DKK2: variants seen among roughly 807,000 people sequenced by gnomAD.
DKK2 encodes dickkopf Wnt signaling pathway inhibitor 2.
Under a neutral mutation model 28.1 loss-of-function variants are expected in DKK2, and 11 were observed. The observed-to-expected ratio is 0.39, with a 90% CI of 0.25 to 0.65. The LOEUF is 0.65. DKK2 is among the 30% of genes least tolerant of loss of function. The pLI is 0.47. For synonymous variants in DKK2, 135 were observed against 126.5 expected, an observed-to-expected ratio of 1.07 and a Z score of -0.45; for missense variants, 326 against 335.5, an observed-to-expected ratio of 0.97 and a Z score of 0.22.
Position 107,001,324 on chromosome 4 carries a change from C to T in DKK2, c.222+34046G>A, listed in dbSNP as rs574446392. Reference sequence around the variant, plus strand: ...GATTTTAGATTTCTCCCATCCAGAGCTGCGAGAAAATAAATTTCTGTTATT... The same window carrying T: ...GATTTTAGATTTCTCCCATCCAGAGTTGCGAGAAAATAAATTTCTGTTATT... On this transcript the variant is annotated intron_variant, in intron 1 of 3. Transcript: ENST00000285311. Among the ~76,000 whole-genome samples the T allele has an allele frequency of 4.6e-5, 7 of 152,252 alleles. No individual in the cohort carries two copies. In the South Asian group the frequency reaches 1.5e-3, roughly 32 times the overall value.
chr4:106,940,009 G>A (rs1430587063), intron 1 of DKK2, among the ~76,000 whole-genome samples: 3 of 152,106 alleles, frequency 2.0e-5, no homozygotes, highest in East Asian at 3.9e-4. Flanking sequence ...AAAAACCCTA[G>A]AAGAAAACCT....
chr4:106,989,762 T>C (rs1334371982), intron 1 of DKK2, among the ~76,000 whole-genome samples: 1 of 152,140 alleles, frequency 6.6e-6, no homozygotes, highest in Non-Finnish European at 1.5e-5. Flanking sequence ...TGATGTTAGT[T>C]AGGGTCACAG....
intron 1 of DKK2, among the ~76,000 whole-genome samples, chr4:107,029,934 T>C (rs967733271): frequency 6.6e-6 from 1 of 152,128 alleles, no homozygotes; most frequent in Non-Finnish European, 1.5e-5. Flanking sequence ...AATTGACTAC[T>C]TTTGTATTTT....
At chr4:107,029,646 G>A (rs945967676) in intron 1 of DKK2, among the ~76,000 whole-genome samples, 11 of 151,984 alleles carry the variant, frequency 7.2e-5, no homozygotes, top group South Asian at 4.1e-4. Flanking sequence ...ATCTTATTCC[G>A]GATAATAAAG....
chr4:106,977,352 T>TCTCCCCG (rs1474636831), intron 1 of DKK2, among the ~76,000 whole-genome samples: 2 of 152,190 alleles, frequency 1.3e-5, no homozygotes, highest in African/African-American at 4.8e-5. Flanking sequence ...TTGGTTCCAT[T>TCTCCCCG]CTCCCCGTTA....
intron 1 of DKK2, among the ~76,000 whole-genome samples, chr4:106,995,650 T>C (rs1723261483): frequency 6.6e-6 from 1 of 152,190 alleles, no homozygotes; most frequent in Admixed American, 6.5e-5. Context: ...TCTCGCTCTG[T>C]CATCCAGGCT....
rs898421019 is a variant in DKK2, at chr4:107,018,254, T to C, written c.222+17116A>G. On this transcript the variant is annotated intron_variant, in intron 1 of 3. Coordinates refer to ENST00000285311, the MANE Select transcript of DKK2 (RefSeq NM_014421.3). ...GGAGGAGAGTATGGTGTCAGAATTT[T>C]AAGAAGGTCCAAATTAGAACACCTG... 5.9e-5 allele frequency among the ~76,000 whole-genome samples: 9 copies of C among 152,146 alleles called. 1 individual carries two copies. The highest frequency in any genetic ancestry group is 5.9e-4 in the Admixed American group (9 of 15,288).
chr4:106,985,717 G>A (rs868543256), intron 1 of DKK2, among the ~76,000 whole-genome samples: 2 of 151,340 alleles, frequency 1.3e-5, no homozygotes, highest in African/African-American at 4.9e-5. Flanking sequence ...ACTGAGGCAG[G>A]AGAATCACTT....
At position 106,982,869 on chromosome 4, in the gene DKK2, C is replaced by CT. The variant is rs1229866796; in HGVS notation, c.222+52500dup. ...CCTGGGCAACATAGCAAGACTCCAT[C>CT]TCAAAAAAAAAAAAAATCAATGGAG... On this transcript the variant is annotated intron_variant, in intron 1 of 3. Coordinates refer to ENST00000285311, the MANE Select transcript of DKK2 (RefSeq NM_014421.3). Among the ~76,000 whole-genome samples, 3 of 118,656 alleles carry CT rather than the reference C, an allele frequency of 2.5e-5. No homozygotes were observed. The Admixed American group carries it at 3.1e-4, about 12-fold the overall frequency. 77.8% of individuals were successfully genotyped at this position (118,656 alleles called of 152,430 possible).
At chr4:106,980,060 T>C (rs1386095665) in intron 1 of DKK2, among the ~76,000 whole-genome samples, 1 of 152,334 alleles carries the variant, frequency 6.6e-6, no homozygotes, top group Non-Finnish European at 1.5e-5. Flanking sequence ...TACTGAAAAC[T>C]TCTCTCAAAT....
intron 1 of DKK2, among the ~76,000 whole-genome samples, chr4:106,957,760 G>A (rs1201663295): frequency 9.2e-6 from 1 of 108,358 alleles, no homozygotes; most frequent in African/African-American, 3.5e-5. Context: ...TTGTGGGGTG[G>A]GGGGAGGGGG....
At position 107,035,489 on chromosome 4, in the gene DKK2, G is replaced by C. The variant is rs1389620010; in HGVS notation, c.103C>G (p.Leu35Val). Reference sequence around the variant, plus strand: ...CCCAGAGAGGACTTGATGGAGTTGAGTTTGGCCCGCGAACTGCCGATCTGT... The same window carrying C: ...CCCAGAGAGGACTTGATGGAGTTGACTTTGGCCCGCGAACTGCCGATCTGT... The part of the protein sequence containing the change: ...SSQIGSSRAK[L>V]NSIKSSLGGE... Residue 35 changes from leucine to valine, a missense_variant, in exon 1 of 4, where the codon CTC (leucine) becomes GTC (valine). By Grantham distance (32) the Leu-to-Val change is conservative. Transcript: ENST00000285311. The C allele has an allele frequency of 6.2e-7, 1 of 1,614,208 alleles. No homozygotes were observed.
At chr4:106,940,360 G>A (rs971968000) in intron 1 of DKK2, among the ~76,000 whole-genome samples, 2 of 152,052 alleles carry the variant, frequency 1.3e-5, no homozygotes, top group African/African-American at 4.8e-5. Context: ...ATGAAAAAAT[G>A]CTCATCATCA....
rs1044664952 is a variant in DKK2 at position 106,934,324 on chromosome 4, T to C, written c.223-8375A>G. On this transcript the variant is annotated intron_variant, in intron 1 of 3. Transcript: ENST00000285311. ...TACTACAATACTAAAGTGAAATGTC[T>C]TCTTGCTAGTTTATGCTTTATGGTT... Among the ~76,000 whole-genome samples, 20 of 152,342 alleles carry C rather than the reference T, an allele frequency of 1.3e-4. No individual in the cohort carries two copies. The East Asian group carries it at 3.7e-3, about 28-fold the overall frequency.
In DKK2 at chr4:106,922,766, A is replaced by G. The variant is rs1320948477; in HGVS notation, c.*1188T>C. ...TGAATTCATCTGCATAGTAAATATT[A>G]TGATAGCAAATCCCATGCAGATATT... is the stretch of plus-strand genomic sequence containing the variant. On this transcript the variant is annotated 3_prime_UTR_variant, in exon 4 of 4. Coordinates refer to ENST00000285311, the MANE Select transcript of DKK2 (RefSeq NM_014421.3). The G allele has an allele frequency of 2.0e-5, 3 of 152,208 alleles. No individual in the cohort carries two copies. The highest frequency in any genetic ancestry group is 4.8e-5 in the African/African-American group (2 of 41,472). The allele number at this position is 152,208 out of a possible 1,614,324, so 9.4% of individuals were successfully genotyped here. A position where few individuals can be genotyped will look rare whatever the true frequency, so the allele number is the denominator to read the frequency against.
chr4:106,943,028 A>T (rs1377936874), intron 1 of DKK2, among the ~76,000 whole-genome samples: 1 of 152,090 alleles, frequency 6.6e-6, no homozygotes, highest in Admixed American at 6.6e-5. Context: ...TTCAGGACTC[A>T]TTGCATTTGC....
chr4:106,924,359 G>A, intron 3 of DKK2, 155 bp from the exon 4 acceptor site: 13 of 1,256,458 alleles, frequency 1.0e-5, no homozygotes, highest in Admixed American at 8.4e-5. Context: ...AATTGGCTCT[G>A]CCTCTTATCA....
At chr4:106,994,491 CCACACACA>C (rs112978532) in intron 1 of DKK2, among the ~76,000 whole-genome samples, 24 of 145,740 alleles carry the variant, frequency 1.6e-4, no homozygotes, top group Admixed American at 5.5e-4. Context: ...CACATGTACA[CCACACACA>C]CACACACACA....
At chr4:107,001,024 T>A (rs1723351946) in intron 1 of DKK2, among the ~76,000 whole-genome samples, 1 of 150,558 alleles carries the variant, frequency 6.6e-6, no homozygotes, top group African/African-American at 2.4e-5. Flanking sequence ...TTTCTCACCA[T>A]AACATGTGGA....
Sources: allele counts gnomAD v4.1 joint callset (sites outside exome capture counted in the v4.1 genomes callset), GRCh38; gene constraint gnomAD v4.1.1; transcripts MANE v1.5; gene names NCBI Gene and HGNC (gene_info 2026-07-23, HGNC 2026-07-21).